The following BLOC1S5 variants were observed in gnomAD, a reference collection of about 807,000 sequenced individuals.
BLOC1S5 encodes the protein biogenesis of lysosome-related organelles complex 1 subunit 5.
BLOC1S5 carries 27 observed loss-of-function variants against 24.3 expected under a neutral mutation model. That is an observed-to-expected ratio of 1.11 (90% confidence interval 0.82 to 1.53). The LOEUF (loss-of-function observed/expected upper bound fraction) is 1.53, where lower values mean the gene tolerates loss of function less well. Among genes scored for constraint, BLOC1S5 ranks in the 40% most tolerant of loss-of-function variants. BLOC1S5 has a pLI of 0.00. For synonymous variants in BLOC1S5, 84 were observed against 74.5 expected (o/e 1.13, Z -0.66); for missense variants, 239 against 229.4 (o/e 1.04, Z -0.27).
At chr6:8,054,667 C>G (rs953602765) in intron 2 of BLOC1S5, among the ~76,000 whole-genome samples, 5 of 152,198 alleles carry the variant, frequency 3.3e-5, no homozygotes, top group Non-Finnish European at 7.3e-5. Flanking sequence ...GCCATTTTGT[C>G]TGGATGCCCA....
intron 3 of BLOC1S5, among the ~76,000 whole-genome samples, chr6:8,035,198 G>T (rs925506979): frequency 1.3e-4 from 20 of 152,020 alleles, no homozygotes; most frequent in African/African-American, 4.1e-4. Flanking sequence ...CAGGGGGAAG[G>T]ATAGGAGGGA....
At chr6:8,031,020 A>G (rs1173389112) in intron 3 of BLOC1S5, among the ~76,000 whole-genome samples, 2 of 152,308 alleles carry the variant, frequency 1.3e-5, no homozygotes, top group Admixed American at 6.5e-5. Context: ...CACAGCCAAC[A>G]TTATACTGAA....
At chr6:8,064,142 C>A (rs1757361870) in intron 1 of BLOC1S5, 123 bp downstream of exon 1, 2 of 739,828 alleles carry the variant, frequency 2.7e-6, no homozygotes, top group South Asian at 2.1e-5. Context: ...CACGACTCCC[C>A]CACCCGCACA....
intron 3 of BLOC1S5, among the ~76,000 whole-genome samples, chr6:8,029,101 T>C (rs1313405487): frequency 1.3e-5 from 2 of 151,742 alleles, no homozygotes; most frequent in African/African-American, 2.4e-5. Flanking sequence ...CATTCTATCA[T>C]GGTGTCTATA....
rs191461903 is a variant in BLOC1S5 at position 8,050,329 on chromosome 6, G to C, written c.196-9061C>G. 9.7e-4 allele frequency among the ~76,000 whole-genome samples: 148 copies of C among 152,050 alleles called. 1 individual carries two copies. The East Asian group carries it at 0.019, about 20-fold the overall frequency. On this transcript the variant is annotated intron_variant, in intron 2 of 4. Coordinates refer to ENST00000397457, the MANE Select transcript of BLOC1S5 (RefSeq NM_201280.3). ...CCATGAACTTAATCTATGAATGTTG[G>C]GTCTGTTCTCATTGCTCACTGACTG...
Position 8,015,585 on chromosome 6 carries a change from G to GAA in BLOC1S5, c.*62_*63dup. ...AAGCAGAGGCTAAACGGTCTGGTGGGAATAGTTTTCAGGAGAGAGGTGAAC... is the reference window on the plus strand; with the variant it reads ...AAGCAGAGGCTAAACGGTCTGGTGGGAAAATAGTTTTCAGGAGAGAGGTGAAC... On this transcript the variant is annotated 3_prime_UTR_variant, in exon 5 of 5. Coordinates refer to ENST00000397457, the MANE Select transcript of BLOC1S5 (RefSeq NM_201280.3). 4.0e-6 allele frequency: 6 copies of GAA among 1,503,346 alleles called. No homozygotes were observed. Among genetic ancestry groups the GAA allele is most frequent in the Non-Finnish European group, 5.4e-6 (6 of 1,102,238 alleles). The allele number at this position is 1,503,346 out of a possible 1,614,324, so 93.1% of individuals were successfully genotyped here.
intron 3 of BLOC1S5, among the ~76,000 whole-genome samples, chr6:8,028,177 A>T (rs1278837681): frequency 6.6e-6 from 1 of 152,196 alleles, no homozygotes; most frequent in Non-Finnish European, 1.5e-5. Flanking sequence ...ACAATAGGGC[A>T]GGGACTGTGA....
In BLOC1S5 at chr6:8,026,372, T is replaced by C. The variant is rs199672521; in HGVS notation, c.379A>G (p.Lys127Glu). The C allele has an allele frequency of 1.9e-6, 3 of 1,607,902 alleles. No individual in the cohort carries two copies. In the African/African-American group the frequency reaches 4.0e-5, roughly 22 times the overall value. The change falls in exon 4 of 5, where the codon AAA (lysine) becomes GAA (glutamate). Residue 127 changes from lysine (K) to glutamate (E), a missense_variant. Lys to Glu is a moderately conservative substitution (Grantham distance 56). Coordinates refer to ENST00000397457, the MANE Select transcript of BLOC1S5 (RefSeq NM_201280.3). Reference sequence around the variant, plus strand: ...TTATCTAAATGATCTTTTACCTTTTTTCGTTCCTGTTCCCTCTGTTGGAGT... The same window carrying C: ...TTATCTAAATGATCTTTTACCTTTTCTCGTTCCTGTTCCCTCTGTTGGAGT... ...CRLQQREQER[K>E]KIHSDHLVAS...
intron 3 of BLOC1S5, among the ~76,000 whole-genome samples, chr6:8,030,189 T>TCA (rs1423439116): frequency 1.3e-5 from 2 of 152,254 alleles, no homozygotes; most frequent in Admixed American, 1.3e-4. Context: ...AGATGGGGTC[T>TCA]CACTCTGTTG....
chr6:8,036,174 T>C (rs1203038652), intron 3 of BLOC1S5, among the ~76,000 whole-genome samples: 1 of 151,730 alleles, frequency 6.6e-6, no homozygotes, highest in Non-Finnish European at 1.5e-5. Context: ...TTGAAACAAA[T>C]AAAATGAAAA....
chr6:8,061,870 G>GTATAAACAACTT, intron 2 of BLOC1S5, among the ~76,000 whole-genome samples: 1 of 152,224 alleles, frequency 6.6e-6, no homozygotes, highest in East Asian at 1.9e-4. Flanking sequence ...AGTATGTAAG[G>GTATAAACAACTT]TAGAGTAGCA....
At chr6:8,051,931 G>A (rs1402980478) in intron 2 of BLOC1S5, among the ~76,000 whole-genome samples, 4 of 151,220 alleles carry the variant, frequency 2.6e-5, no homozygotes, top group African/African-American at 7.3e-5. Context: ...ACAAGAAGAT[G>A]CGTGTTGTTA....
At chr6:8,063,887 G>C in intron 1 of BLOC1S5, among the ~76,000 whole-genome samples, 1 of 152,228 alleles carries the variant, frequency 6.6e-6, no homozygotes, top group South Asian at 2.1e-4. Context: ...AGTAAAGCCA[G>C]TGACCCGAAG....
At chr6:8,029,182 G>A (rs1413952204) in intron 3 of BLOC1S5, among the ~76,000 whole-genome samples, 1 of 152,042 alleles carries the variant, frequency 6.6e-6, no homozygotes, top group Non-Finnish European at 1.5e-5. Flanking sequence ...ATATAGAAGC[G>A]AGCTAGCTTC....
intron 2 of BLOC1S5, among the ~76,000 whole-genome samples, chr6:8,042,629 T>G (rs1407749908): frequency 6.8e-6 from 1 of 146,182 alleles, no homozygotes; most frequent in African/African-American, 2.6e-5. Flanking sequence ...TGAGATTTTT[T>G]TGTGATTTTT....
rs111955375 is a variant in BLOC1S5, at chr6:8,041,655, C to CTTTCTTTTTT, written c.196-388_196-387insAAAAAAGAAA. On this transcript the variant is annotated intron_variant, in intron 2 of 4. Coordinates refer to ENST00000397457, the MANE Select transcript of BLOC1S5 (RefSeq NM_201280.3). ...TAGTAATTACTTTCTTTCTTTCTTT[C>CTTTCTTTTTT]TTTTTTTTTGAGATGCAGTCTCGCC... Among the ~76,000 whole-genome samples the CTTTCTTTTTT allele has an allele frequency of 8.9e-5, 10 of 111,862 alleles. 2 individuals carry two copies. The highest frequency in any genetic ancestry group is 6.0e-4 in the East Asian group (2 of 3,348). The allele number at this position is 111,862 out of a possible 152,430, so 73.4% of individuals were successfully genotyped here.
At chr6:8,061,688 A>C (rs1764521455) in intron 2 of BLOC1S5, among the ~76,000 whole-genome samples, 1 of 152,238 alleles carries the variant, frequency 6.6e-6, no homozygotes, top group East Asian at 1.9e-4. Flanking sequence ...TATCATTTGC[A>C]AAAATCTGAA....
intron 2 of BLOC1S5, among the ~76,000 whole-genome samples, chr6:8,044,422 T>A (rs1356954060): frequency 6.6e-6 from 1 of 151,178 alleles, no homozygotes; most frequent in Admixed American, 6.6e-5. Context: ...ATCAGTAGAG[T>A]GAAAACAGAC....
intron 2 of BLOC1S5, among the ~76,000 whole-genome samples, chr6:8,045,424 G>A (rs186854924): frequency 5.3e-4 from 81 of 152,264 alleles, no homozygotes; most frequent in African/African-American, 8.7e-4. Context: ...ATGTGGGGTC[G>A]GAGCCCCCAC....
Sources: allele counts gnomAD v4.1 joint callset (sites outside exome capture counted in the v4.1 genomes callset), GRCh38; gene constraint gnomAD v4.1.1; transcripts MANE v1.5; gene names NCBI Gene and HGNC (gene_info 2026-07-23, HGNC 2026-07-21).